Variants in PRG4 observed in about 807,000 individuals in gnomAD.
The protein encoded by PRG4 is proteoglycan 4.
A neutral mutation model predicts 91.2 loss-of-function variants in PRG4; 61 were observed. That is an observed-to-expected ratio of 0.67 (90% CI 0.54 to 0.83). PRG4 has a LOEUF of 0.83. Ranked by LOEUF, PRG4 falls within the 40% of genes least tolerant of loss-of-function variation. The pLI is 0.00. For synonymous variants in PRG4, 576 were observed against 614.2 expected (o/e 0.94, Z 0.92); for missense variants, 1,564 against 1,714.2 (o/e 0.91, Z 1.55).
rs562935431 is a variant in PRG4 at position 186,300,992 on chromosome 1, C to T, written c.200-600C>T. ...AAGTCCCTGTTAACTCTAACAAAGG[C>T]TTTTTAAATTTTCATTTTTTAAATG... On this transcript the variant is annotated intron_variant, in intron 3 of 12. Coordinates refer to ENST00000445192, the MANE Select transcript of PRG4 (RefSeq NM_005807.6). 4.6e-5 allele frequency among the ~76,000 whole-genome samples: 7 copies of T among 152,144 alleles called. No homozygotes were observed. The South Asian group carries it at 1.5e-3, about 32-fold the overall frequency.
chr1:186,310,369 G>A (rs1259404388), intron 8 of PRG4, among the ~76,000 whole-genome samples: 1 of 152,140 alleles, frequency 6.6e-6, no homozygotes, highest in Non-Finnish European at 1.5e-5. Context: ...AAATCTGAAA[G>A]CAATTCCTTT....
In PRG4 at chr1:186,309,097, G is replaced by C. The variant is rs752142482; in HGVS notation, c.3378G>C (p.Pro1126=). ...TTACTCCCGACATGGATTACTTACCGAGAGTACCCAATCAAGGCATTATCA... is the reference window on the plus strand; with the variant it reads ...TTACTCCCGACATGGATTACTTACCCAGAGTACCCAATCAAGGCATTATCA... ...PEVTPDMDYL[P]RVPNQGIIIN... is the part of the protein sequence containing the mutation. Residue 1126 remains proline, a synonymous_variant, in exon 7 of 13, where the codon CCG becomes CCC. Transcript: ENST00000445192. 22 of 1,613,762 alleles carry C rather than the reference G, an allele frequency of 1.4e-5. No individual in the cohort carries two copies. Among genetic ancestry groups the C allele is most frequent in the Non-Finnish European group, 1.7e-6 (2 of 1,179,932 alleles).
At chr1:186,301,141 A>G (rs1656189390) in intron 3 of PRG4, among the ~76,000 whole-genome samples, 1 of 152,184 alleles carries the variant, frequency 6.6e-6, no homozygotes, top group Non-Finnish European at 1.5e-5. Context: ...CTCAAAAATG[A>G]CCCATTTACG....
intron 5 of PRG4, among the ~76,000 whole-genome samples, 189 bp from the exon 6 acceptor site, chr1:186,304,605 T>C (rs1258954320): frequency 6.6e-6 from 1 of 152,218 alleles, no homozygotes; most frequent in Non-Finnish European, 1.5e-5. Flanking sequence ...ATACTGCTAG[T>C]ATCTGTGATA....
At chr1:186,300,757 G>A (rs183309093) in intron 3 of PRG4, among the ~76,000 whole-genome samples, 9 of 152,196 alleles carry the variant, frequency 5.9e-5, no homozygotes, top group Admixed American at 2.6e-4. Context: ...AAAATCTGAA[G>A]GTCTGAATTT....
At chr1:186,310,618 G>T (rs908219438) in intron 8 of PRG4, among the ~76,000 whole-genome samples, 1 of 151,660 alleles carries the variant, frequency 6.6e-6, no homozygotes, top group African/African-American at 2.4e-5. Flanking sequence ...GAGTAGCTGG[G>T]ACTACAGGTG....
At position 186,312,028 on chromosome 1, in the gene PRG4, T is replaced by C. The variant is rs1288320938; in HGVS notation, c.3794-147T>C. On this transcript the variant is annotated intron_variant, in intron 10 of 12. Coordinates refer to ENST00000445192, the MANE Select transcript of PRG4 (RefSeq NM_005807.6). ...TTAATAATTATTTTTATAATACCCT[T>C]GACTAATAGCCATTATTAATATCAA... is the stretch of plus-strand genomic sequence containing the variant. 1.5e-5 allele frequency: 10 copies of C among 645,328 alleles called. No homozygotes were observed. The East Asian group carries it at 1.7e-4, about 11-fold the overall frequency. 40.0% of individuals were successfully genotyped at this position (645,328 alleles called of 1,614,324 possible).
At chr1:186,309,565 GTCCAT>G (rs1241387504) in intron 7 of PRG4, among the ~76,000 whole-genome samples, 1 of 152,098 alleles carries the variant, frequency 6.6e-6, no homozygotes, top group Non-Finnish European at 1.5e-5. Context: ...AGGTAACCTG[GTCCAT>G]TCCAATTCAT....
intron 8 of PRG4, among the ~76,000 whole-genome samples, chr1:186,310,757 C>CGGGA (rs1328966959): frequency 6.6e-6 from 1 of 151,644 alleles, no homozygotes; most frequent in Non-Finnish European, 1.5e-5. Flanking sequence ...CCGCCTTAAC[C>CGGGA]TCCCAAAGTG....
chr1:186,306,202 A>G (rs1311724574), intron 6 of PRG4, 116 bp from the exon 7 acceptor site: 33 of 814,750 alleles, frequency 4.1e-5, no homozygotes, highest in Non-Finnish European at 5.5e-5. Context: ...GACATAGTAG[A>G]GATTAGCAAT....
rs1412965862 is a variant in PRG4, at chr1:186,308,357, C to T, written c.2638C>T (p.Leu880Phe). The change falls in exon 7 of 13, where the codon CTT becomes TTT. Residue 880 changes from leucine (L) to phenylalanine (F), a missense_variant. By Grantham distance (22) the Leu-to-Phe change is conservative (BLOSUM62 0). This residue lies in a region of PRG4 where 1,079 missense variants were observed against 1,162.2 expected (regional missense o/e 0.93). Coordinates refer to ENST00000445192, the MANE Select transcript of PRG4 (RefSeq NM_005807.6). ...HKSPDESTPE[L>F]SAEPTPKALE... ...AAGCCCTGATGAATCAACTCCTGAGCTTTCTGCAGAACCCACACCAAAAGC... is the reference window on the plus strand; with the variant it reads ...AAGCCCTGATGAATCAACTCCTGAGTTTTCTGCAGAACCCACACCAAAAGC... 2 of 1,613,888 alleles carry T rather than the reference C, an allele frequency of 1.2e-6. No individual in the cohort carries two copies. The highest frequency in any genetic ancestry group is 1.1e-5 in the South Asian group (1 of 91,086).
intron 11 of PRG4, 163 bp downstream of exon 11, chr1:186,312,535 C>A: frequency 1.2e-6 from 1 of 820,202 alleles, no homozygotes; most frequent in Admixed American, 2.8e-5. Flanking sequence ...TAACCAAAGA[C>A]CAATACTTTC....
At chr1:186,310,143 G>GA (rs1024799066) in intron 8 of PRG4, among the ~76,000 whole-genome samples, 10 of 125,934 alleles carry the variant, frequency 7.9e-5, no homozygotes, top group African/African-American at 2.9e-4. Context: ...TTTGGGGGGG[G>GA]GGGGTAGTTA....
Position 186,308,872 on chromosome 1 carries a change from T to TC in PRG4, c.3157dup (p.Arg1053ProfsTer28). ...TGAGAAAACCAAAGACGACACCAAC[T>TC]CCCCGCAAGATGACATCAACAATGC... is the stretch of plus-strand genomic sequence containing the variant. On this transcript the variant is annotated frameshift_variant, in exon 7 of 13. Coordinates refer to ENST00000445192, the MANE Select transcript of PRG4 (RefSeq NM_005807.6). LOFTEE classifies it high-confidence loss of function. 6.2e-7 allele frequency: 1 copy of TC among 1,613,354 alleles called. No individual in the cohort carries two copies.
intron 6 of PRG4, among the ~76,000 whole-genome samples, chr1:186,305,888 A>C (rs1656522955): frequency 6.6e-6 from 1 of 152,208 alleles, no homozygotes; most frequent in Non-Finnish European, 1.5e-5. Context: ...CAGATTGCTC[A>C]GAGGTAGCTG....
chr1:186,297,801 C>A (rs1007089152), intron 2 of PRG4, among the ~76,000 whole-genome samples: 3 of 151,918 alleles, frequency 2.0e-5, no homozygotes, highest in African/African-American at 7.3e-5. Context: ...CAGTAAAATA[C>A]GAGATTCTTA....
At chr1:186,304,405 A>G (rs1441339110) in intron 5 of PRG4, 148 bp downstream of exon 5, 1 of 978,416 alleles carries the variant, frequency 1.0e-6, no homozygotes, top group African/African-American at 1.6e-5. Flanking sequence ...TTTGCTTTTA[A>G]GTAAAGTTTA....
chr1:186,303,648 G>T (rs1322665247), intron 4 of PRG4, among the ~76,000 whole-genome samples: 1 of 151,742 alleles, frequency 6.6e-6, no homozygotes, highest in Non-Finnish European at 1.5e-5. Context: ...TAGAACTTTT[G>T]TAATTAAAAA....
At chr1:186,301,862 A>G in intron 4 of PRG4, 151 bp downstream of exon 4, 2 of 1,199,124 alleles carry the variant, frequency 1.7e-6, no homozygotes, top group Non-Finnish European at 2.4e-6. Context: ...TTTTGTGGAG[A>G]TGAATTAAAG....
Sources: allele counts gnomAD v4.1 joint callset (sites outside exome capture counted in the v4.1 genomes callset), GRCh38; gene constraint gnomAD v4.1.1; regional missense constraint gnomAD v4.1.1; transcripts MANE v1.5; gene names NCBI Gene and HGNC (gene_info 2026-07-23, HGNC 2026-07-21).